Variants in PTHLH observed in about 807,000 individuals in gnomAD.
The protein encoded by PTHLH is parathyroid hormone like hormone, also known as parathyroid hormone-related protein.
Under a neutral mutation model 18.6 loss-of-function variants are expected in PTHLH, and 5 were observed. The ratio of observed to expected loss-of-function variants is 0.27; its 90% CI spans 0.14 to 0.56. PTHLH has a LOEUF of 0.56. Ranked by LOEUF, PTHLH falls within the 20% of genes least tolerant of loss-of-function variation. PTHLH has a pLI of 0.92. For synonymous variants in PTHLH, 90 were observed against 94.0 expected (o/e 0.96, Z 0.25); for missense variants, 207 against 223.9 (o/e 0.92, Z 0.48).
rs1262186804 is a variant in PTHLH at position 27,963,276 on chromosome 12, AAGGCAGAAGGG to A, written c.524+61_524+71del. On this transcript the variant is annotated intron_variant, in intron 5 of 5. Coordinates refer to ENST00000545234, the MANE Select transcript of PTHLH (RefSeq NM_198965.2). ...AGAAAATTCTAGGTTTGTCCAAGCC[AAGGCAGAAGGG>A]AGGCTCCAAAACCCAGCTGAGAGCA... 5.6e-6 allele frequency: 9 copies of A among 1,612,278 alleles called. No individual in the cohort carries two copies. In the African/African-American group the frequency reaches 1.1e-4, roughly 19 times the overall value.
intron 3 of PTHLH, 133 bp downstream of exon 3, chr12:27,969,892 T>C (rs1178200665): frequency 1.5e-5 from 8 of 522,038 alleles, no homozygotes; most frequent in Non-Finnish European, 2.7e-5. Context: ...CCTGGGTTCG[T>C]GGAACAGGGC....
rs1350866293 is a variant in PTHLH at position 27,972,010 on chromosome 12, A to G, written c.-349T>C. On this transcript the variant is annotated 5_prime_UTR_variant, in exon 2 of 6. Transcript: ENST00000545234. ...GCCCTAATGTAATCGTTAGATCTGA[A>G]GGGGGAAATCTGTAAAAAAAAAAAA... 1 of 137,156 alleles carries G rather than the reference A, an allele frequency of 7.3e-6. No individual in the cohort carries two copies. Among genetic ancestry groups the G allele is most frequent in the Non-Finnish European group, 1.6e-5 (1 of 64,032 alleles). The allele number at this position is 137,156 out of a possible 1,614,324, so 8.5% of individuals were successfully genotyped here. A position where few individuals can be genotyped will look rare whatever the true frequency, so the allele number is the denominator to read the frequency against.
chr12:27,960,448 C>T (rs548109711), intron 5 of PTHLH, among the ~76,000 whole-genome samples: 13 of 152,024 alleles, frequency 8.6e-5, no homozygotes, highest in South Asian at 2.1e-4. Flanking sequence ...TATTATTGGC[C>T]GGTGTGGTGG....
chr12:27,961,905 A>G (rs1402577682), intron 5 of PTHLH: 2 of 714,864 alleles, frequency 2.8e-6, no homozygotes, highest in African/African-American at 1.8e-5. Flanking sequence ...AAGAAGTAAC[A>G]GGGGACTCTT....
intron 5 of PTHLH, chr12:27,962,242 A>G (rs2062768583): frequency 6.6e-6 from 2 of 302,292 alleles, no homozygotes; most frequent in African/African-American, 2.2e-5. Context: ...CTAGATAGAT[A>G]GATAGATAGA....
intron 5 of PTHLH, chr12:27,962,233 T>TAGAC (rs1350448086): frequency 1.2e-5 from 2 of 163,642 alleles, no homozygotes; most frequent in African/African-American, 2.0e-4. Context: ...CATACCCCCC[T>TAGAC]AGATAGATAG....
At chr12:27,962,076 C>T (rs959599891) in intron 5 of PTHLH, 9 of 529,256 alleles carry the variant, frequency 1.7e-5, no homozygotes, top group South Asian at 2.8e-5. Flanking sequence ...GCACTGTCTA[C>T]GTGTCAGAAA....
At chr12:27,969,578 C>T in intron 3 of PTHLH, 62 bp from the exon 4 acceptor site, 1 of 1,335,666 alleles carries the variant, frequency 7.5e-7, no homozygotes, top group Non-Finnish European at 1.0e-6. Context: ...CCGCACTACT[C>T]CGCTCCCCCT....
intron 3 of PTHLH, 109 bp from the exon 4 acceptor site, chr12:27,969,625 G>A: frequency 1.0e-6 from 1 of 987,922 alleles, no homozygotes; most frequent in Non-Finnish European, 1.6e-6. Flanking sequence ...TCAACATCAA[G>A]GGCATCTCCC....
At chr12:27,960,796 C>G (rs1440975201) in intron 5 of PTHLH, among the ~76,000 whole-genome samples, 1 of 151,638 alleles carries the variant, frequency 6.6e-6, no homozygotes, top group Non-Finnish European at 1.5e-5. Flanking sequence ...GCCATATCAT[C>G]AGATCTCTTG....
In PTHLH at chr12:27,972,719, G is replaced by C. The variant is rs1228669095; in HGVS notation, c.-555C>G. The C allele has an allele frequency of 6.6e-6, 1 of 152,144 alleles. No individual in the cohort carries two copies. The highest frequency in any genetic ancestry group is 1.5e-5 in the Non-Finnish European group (1 of 68,030). 9.4% of individuals were successfully genotyped at this position (152,144 alleles called of 1,614,324 possible). On this transcript the variant is annotated 5_prime_UTR_variant, in exon 1 of 6. Coordinates refer to ENST00000545234, the MANE Select transcript of PTHLH (RefSeq NM_198965.2). ...ATTAGAAAGCAGGTACCTCTTCCAA[G>C]CTGCCCTGTTTATTACTTTCCGTAG...
At chr12:27,968,624 T>G (rs1207826316) in intron 4 of PTHLH, among the ~76,000 whole-genome samples, 2 of 152,242 alleles carry the variant, frequency 1.3e-5, no homozygotes, top group Non-Finnish European at 2.9e-5. Flanking sequence ...TCTGGTGTGC[T>G]TGGATGTATG....
chr12:27,965,174 A>G (rs2062800909), intron 4 of PTHLH, among the ~76,000 whole-genome samples: 1 of 152,240 alleles, frequency 6.6e-6, no homozygotes, highest in Admixed American at 6.5e-5. Flanking sequence ...GCCCTAGTCT[A>G]CACAATGAGA....
chr12:27,959,152 T>G (rs2120593002), intron 5 of PTHLH, among the ~76,000 whole-genome samples: 1 of 152,322 alleles, frequency 6.6e-6, no homozygotes, highest in African/African-American at 2.4e-5. Flanking sequence ...TCTTAGTTGA[T>G]GATATGATAT....
At chr12:27,969,128 C>A in intron 4 of PTHLH, 1 of 505,936 alleles carries the variant, frequency 2.0e-6, no homozygotes, top group South Asian at 2.3e-5. Context: ...AGGATCTTTC[C>A]CTAGAAGAGA....
intron 5 of PTHLH, 190 bp downstream of exon 5, chr12:27,963,158 G>A (rs2062776357): frequency 6.8e-7 from 1 of 1,479,768 alleles, no homozygotes; most frequent in Non-Finnish European, 8.9e-7. Context: ...GAGGACAGGG[G>A]TGTGTGTGGT....
intron 5 of PTHLH, chr12:27,962,983 C>A: frequency 1.7e-6 from 2 of 1,150,850 alleles, no homozygotes; most frequent in Admixed American, 4.4e-5. Context: ...AAAGTTTGCC[C>A]AGGTGTGAGA....
Position 27,958,410 on chromosome 12 carries a change from C to A in PTHLH, c.*149G>T. 3.3e-6 allele frequency: 2 copies of A among 597,224 alleles called. No individual in the cohort carries two copies. The highest frequency in any genetic ancestry group is 2.6e-6 in the Non-Finnish European group (1 of 383,968). The allele number at this position is 597,224 out of a possible 1,614,324, so 37.0% of individuals were successfully genotyped here. A position where few individuals can be genotyped will look rare whatever the true frequency, so the allele number is the denominator to read the frequency against. ...GCAAAAAAAAAATATTCACAATGAC[C>A]AATGTGCAGTTTCATAGAGCAATGG... On this transcript the variant is annotated 3_prime_UTR_variant, in exon 6 of 6. Coordinates refer to ENST00000545234, the MANE Select transcript of PTHLH (RefSeq NM_198965.2).
chr12:27,965,323 C>T lies in PTHLH; in HGVS notation c.102-1553G>A, dbSNP rs375294426. Among the ~76,000 whole-genome samples the T allele has an allele frequency of 3.9e-4, 60 of 152,306 alleles. No individual in the cohort carries two copies. In the South Asian group the frequency reaches 7.9e-3, roughly 20 times the overall value. ...AGCCTGTTCCTGTGTTGAGGCAACA[C>T]GGTAAGGAGAGTACAGGGTATATGC... is the stretch of plus-strand genomic sequence containing the variant. On this transcript the variant is annotated intron_variant, in intron 4 of 5. Coordinates refer to ENST00000545234, the MANE Select transcript of PTHLH (RefSeq NM_198965.2).
Sources: allele counts gnomAD v4.1 joint callset (sites outside exome capture counted in the v4.1 genomes callset), GRCh38; gene constraint gnomAD v4.1.1; transcripts MANE v1.5; gene names NCBI Gene and HGNC (gene_info 2026-07-23, HGNC 2026-07-21).